ZNF644: variants seen among roughly 807,000 people sequenced by gnomAD.
ZNF644 encodes zinc finger protein 644.
ZNF644 carries 20 observed loss-of-function variants against 108.0 expected under a neutral mutation model. That is an observed-to-expected ratio of 0.19 (90% CI 0.13 to 0.27). ZNF644 has a LOEUF of 0.27. Ranked by LOEUF, ZNF644 falls within the 10% of genes least tolerant of loss-of-function variation. ZNF644 has a pLI of 1.00. For missense variants in ZNF644, 1,338 were observed against 1,548.9 expected (o/e 0.86, Z 2.29); for synonymous variants, 542 against 539.1 (o/e 1.01, Z -0.08).
At chr1:90,980,101 A>T (rs1403347098) in intron 2 of ZNF644, among the ~76,000 whole-genome samples, 1 of 152,146 alleles carries the variant, frequency 6.6e-6, no homozygotes, top group Non-Finnish European at 1.5e-5. Flanking sequence ...TTCATTGGTC[A>T]ATGTTTAACA....
intron 5 of ZNF644, 131 bp from the exon 6 acceptor site, chr1:90,917,121 T>C (rs908652767): frequency 3.2e-6 from 3 of 923,674 alleles, no homozygotes; most frequent in Non-Finnish European, 5.0e-6. Flanking sequence ...GTTTCTAAAG[T>C]CAAATGATTT....
rs752426724 is a variant in ZNF644, at chr1:90,939,315, C to T, written c.2039G>A (p.Arg680Gln). Residue 680 changes from arginine to glutamine, a missense_variant, in exon 3 of 6, where the codon CGG becomes CAG. By Grantham distance (43) the Arg-to-Gln change is conservative. Coordinates refer to ENST00000337393, the MANE Select transcript of ZNF644 (RefSeq NM_201269.3). ...QSSSFSKIHK[R>Q]PHRIQKARKS... ...CCGAGCTTTCTGTATTCTGTGTGGC[C>T]GCTTATGAATTTTTGAAAAACTACT... The T allele has an allele frequency of 1.1e-5, 18 of 1,613,882 alleles. No individual in the cohort carries two copies. Among genetic ancestry groups the T allele is most frequent in the Middle Eastern group, 1.6e-4 (1 of 6,062 alleles).
rs556984280 is a variant in ZNF644 at position 90,967,278 on chromosome 1, C to T, written c.44+15032G>A. Among the ~76,000 whole-genome samples, 59 of 152,268 alleles carry T rather than the reference C, an allele frequency of 3.9e-4. No individual in the cohort carries two copies. The South Asian group carries it at 8.5e-3, about 22-fold the overall frequency. On this transcript the variant is annotated intron_variant, in intron 2 of 5. Transcript: ENST00000337393. ...CCTCCATCGCACAAATCTAGTTAACCTTAACTCATAATCTCATCAGATCAC... is the reference window on the plus strand; with the variant it reads ...CCTCCATCGCACAAATCTAGTTAACTTTAACTCATAATCTCATCAGATCAC...
At chr1:90,987,442 A>G (rs922700109) in intron 1 of ZNF644, among the ~76,000 whole-genome samples, 1 of 152,000 alleles carries the variant, frequency 6.6e-6, no homozygotes, top group Non-Finnish European at 1.5e-5. Context: ...ACAAATTGGT[A>G]TATTCCTAAA....
chr1:90,969,571 T>A (rs1228685395), intron 2 of ZNF644, among the ~76,000 whole-genome samples: 2 of 152,190 alleles, frequency 1.3e-5, no homozygotes, highest in African/African-American at 4.8e-5. Flanking sequence ...TCCTGCTCCA[T>A]CCTACCCAGG....
At chr1:90,922,146 CATCTGGAACTTCTTTG>C (rs1211721791) in intron 4 of ZNF644, among the ~76,000 whole-genome samples, 1 of 152,126 alleles carries the variant, frequency 6.6e-6, no homozygotes, top group African/African-American at 2.4e-5. Context: ...TTCATAAAAA[CATCTGGAACTTCTTTG>C]ATAAAGCACA....
At chr1:90,971,215 G>C (rs1031800642) in intron 2 of ZNF644, among the ~76,000 whole-genome samples, 1 of 107,116 alleles carries the variant, frequency 9.3e-6, no homozygotes, top group Non-Finnish European at 1.9e-5. Flanking sequence ...TGGAATCCAA[G>C]GATAGTTCAT....
At chr1:91,008,496 A>C (rs983146594) in intron 1 of ZNF644, among the ~76,000 whole-genome samples, 2 of 152,224 alleles carry the variant, frequency 1.3e-5, no homozygotes, top group Non-Finnish European at 2.9e-5. Context: ...AAAAGCAACT[A>C]CTTAAGCAAG....
At chr1:91,012,031 A>C (rs1006647015) in intron 1 of ZNF644, among the ~76,000 whole-genome samples, 1 of 152,186 alleles carries the variant, frequency 6.6e-6, no homozygotes, top group African/African-American at 2.4e-5. Context: ...TCTAAACAAA[A>C]TATCAAGTCA....
Position 90,937,596 on chromosome 1 carries a change from T to C in ZNF644, c.3577A>G (p.Ile1193Val), listed in dbSNP as rs1207162540. 7 of 1,613,830 alleles carry C rather than the reference T, an allele frequency of 4.3e-6. No homozygotes were observed. Among genetic ancestry groups the C allele is most frequent in the Middle Eastern group, 1.6e-4 (1 of 6,082 alleles). Residue 1193 changes from isoleucine to valine, a missense_variant, in exon 4 of 6, where the codon ATC becomes GTC. Physicochemically the swap from Ile to Val is conservative, Grantham distance 29. Around this residue, in one of 6 missense-constraint regions of ZNF644, gnomAD observed 287 missense variants for 310.9 expected, o/e 0.92. Coordinates refer to ENST00000337393, the MANE Select transcript of ZNF644 (RefSeq NM_201269.3). ...CTCTTTCTTGCTGTCTGATTATGGA[T>C]CTTTTGAGGAGAAATAGCAGAATTC... ...ERNSAISPQKIHNQTARKRFV... is the reference protein window; with the variant it reads ...ERNSAISPQKVHNQTARKRFV...
At chr1:90,980,439 C>A (rs148664950) in intron 2 of ZNF644, among the ~76,000 whole-genome samples, 4 of 152,074 alleles carry the variant, frequency 2.6e-5, no homozygotes, top group Middle Eastern at 3.4e-3. Context: ...AACTGCATGC[C>A]GTGTTATAAG....
At chr1:90,951,048 C>T (rs1205242512) in intron 2 of ZNF644, among the ~76,000 whole-genome samples, 1 of 152,146 alleles carries the variant, frequency 6.6e-6, no homozygotes, top group Non-Finnish European at 1.5e-5. Context: ...TTCTTGTTTA[C>T]TCACACCTCA....
chr1:90,943,625 G>T (rs1652235110), intron 2 of ZNF644, among the ~76,000 whole-genome samples: 1 of 151,978 alleles, frequency 6.6e-6, no homozygotes, highest in Non-Finnish European at 1.5e-5. Flanking sequence ...ACCCCTCGTA[G>T]GTTTTAGAAT....
rs771689377 is a variant in ZNF644, at chr1:90,939,729, C to T, written c.1625G>A (p.Cys542Tyr). The change falls in exon 3 of 6, where the codon TGC becomes TAC. Residue 542 changes from cysteine to tyrosine, a missense_variant. Transcript: ENST00000337393. ...FMAVTENELE[C>Y]HRGIAHGAVV... ...TGCCCCATGTGCAATGCCTCGATGG[C>T]ATTCCAATTCATTTTCTGTCACTGC... The T allele has an allele frequency of 6.2e-7, 1 of 1,613,938 alleles. No homozygotes were observed. The highest frequency in any genetic ancestry group is 8.5e-7 in the Non-Finnish European group (1 of 1,179,930).
At chr1:90,998,931 T>C (rs529502547) in intron 1 of ZNF644, among the ~76,000 whole-genome samples, 1 of 152,176 alleles carries the variant, frequency 6.6e-6, no homozygotes, top group South Asian at 2.1e-4. Flanking sequence ...TCTGATCAAC[T>C]GGAAGAAAGG....
chr1:90,966,581 C>T (rs1654918074), intron 2 of ZNF644, among the ~76,000 whole-genome samples: 1 of 151,840 alleles, frequency 6.6e-6, no homozygotes, highest in Admixed American at 6.6e-5. Context: ...GAAACCCTGT[C>T]TCTATTAAAA....
chr1:90,930,622 C>G (rs562436836), intron 4 of ZNF644, among the ~76,000 whole-genome samples: 1 of 152,168 alleles, frequency 6.6e-6, no homozygotes, highest in South Asian at 2.1e-4. Flanking sequence ...TTTACTGGCT[C>G]ATGACCAGCA....
At chr1:90,954,408 C>T (rs927066964) in intron 2 of ZNF644, among the ~76,000 whole-genome samples, 139 of 151,492 alleles carry the variant, frequency 9.2e-4, no homozygotes, top group Non-Finnish European at 8.8e-5. Flanking sequence ...TCTTCAGGTT[C>T]CACTTTTTTT....
At chr1:90,952,037 C>G (rs1174490618) in intron 2 of ZNF644, among the ~76,000 whole-genome samples, 8 of 152,130 alleles carry the variant, frequency 5.3e-5, no homozygotes, top group African/African-American at 1.9e-4. Flanking sequence ...GTATCTGTCT[C>G]TCTCTCTCTC....
Sources: allele counts gnomAD v4.1 joint callset (sites outside exome capture counted in the v4.1 genomes callset), GRCh38; gene constraint gnomAD v4.1.1; regional missense constraint gnomAD v4.1.1; transcripts MANE v1.5; gene names NCBI Gene and HGNC (gene_info 2026-07-23, HGNC 2026-07-21).